EFHD1: variants seen among roughly 807,000 people sequenced by gnomAD.
EFHD1 encodes the protein EF-hand domain family member D1.
A neutral mutation model predicts 17.2 loss-of-function variants in EFHD1; 10 were observed. The ratio of observed to expected loss-of-function variants is 0.58; its 90% CI spans 0.36 to 0.99. EFHD1 has a LOEUF of 0.99. Ranked by LOEUF, EFHD1 falls within the 50% of genes least tolerant of loss-of-function variation. EFHD1 has a pLI of 0.01. For synonymous variants in EFHD1, 153 were observed against 142.0 expected (o/e 1.08, Z -0.55); for missense variants, 310 against 327.5 (o/e 0.95, Z 0.41).
chr2:232,664,087 C>G (rs1240602033), intron 2 of EFHD1, among the ~76,000 whole-genome samples: 1 of 148,680 alleles, frequency 6.7e-6, no homozygotes, highest in African/African-American at 2.5e-5. Context: ...CCACCTTGCC[C>G]AGTAATTTTG....
In EFHD1 at chr2:232,672,304, T is replaced by C. The variant is rs768418474; in HGVS notation, c.451-5T>C. On this transcript the variant is annotated splice_polypyrimidine_tract_variant and splice_region_variant and intron_variant, in intron 2 of 3. Transcript: ENST00000264059. ...CTCTGGTTCCCTACTTTCTTTCCCC[T>C]GTAGTTCCTGCTCATTTTCCACAAG... 15 of 1,614,068 alleles carry C rather than the reference T, an allele frequency of 9.3e-6. No individual in the cohort carries two copies. The African/African-American group carries it at 1.1e-4, about 11-fold the overall frequency.
intron 1 of EFHD1, among the ~76,000 whole-genome samples, chr2:232,636,485 T>C (rs1694321870): frequency 6.6e-6 from 1 of 152,180 alleles, no homozygotes; most frequent in African/African-American, 2.4e-5. Flanking sequence ...GCCAGGTGGA[T>C]TTTAGCCCCT....
intron 3 of EFHD1, among the ~76,000 whole-genome samples, chr2:232,673,907 CTTTT>C (rs11409819): frequency 8.3e-6 from 1 of 119,978 alleles, no homozygotes; most frequent in Non-Finnish European, 1.7e-5. Context: ...AAGACTTCTT[CTTTT>C]TTTTTTTTTT....
At chr2:232,613,631 CATAT>C (rs1248966954) in intron 1 of EFHD1, among the ~76,000 whole-genome samples, 138 of 137,804 alleles carry the variant, frequency 1.0e-3, no homozygotes, top group African/African-American at 3.0e-3. Context: ...CACACACACA[CATAT>C]ACACACACAT....
At chr2:232,610,228 G>A (rs1287354738) in intron 1 of EFHD1, among the ~76,000 whole-genome samples, 2 of 152,224 alleles carry the variant, frequency 1.3e-5, no homozygotes, top group Admixed American at 6.5e-5. Context: ...AGGCCCACCT[G>A]CCATCAGCTC....
chr2:232,644,064 G>A (rs1042274056), intron 1 of EFHD1, among the ~76,000 whole-genome samples: 1 of 152,144 alleles, frequency 6.6e-6, no homozygotes, highest in Non-Finnish European at 1.5e-5. Flanking sequence ...GGTGCTGAGT[G>A]GGCTGTCTGT....
At chr2:232,642,373 CAAAA>C (rs764647177) in intron 1 of EFHD1, among the ~76,000 whole-genome samples, 1 of 68,970 alleles carries the variant, frequency 1.4e-5, no homozygotes, top group Non-Finnish European at 2.6e-5. Flanking sequence ...GACTCTGTCT[CAAAA>C]AAAAAAAAAA....
At chr2:232,646,746 C>T (rs190393243) in intron 1 of EFHD1, among the ~76,000 whole-genome samples, 3 of 152,282 alleles carry the variant, frequency 2.0e-5, no homozygotes, top group Admixed American at 6.5e-5. Flanking sequence ...TGTGCCCGGC[C>T]GGTTATTGCT....
At chr2:232,629,114 T>C (rs576538276), upstream of EFHD1, among the ~76,000 whole-genome samples, 5 of 152,302 alleles carry the variant, frequency 3.3e-5, no homozygotes, top group East Asian at 9.7e-4. Flanking sequence ...TTTTGATAAG[T>C]GTATTAGAGC....
At chr2:232,620,706 C>T (rs1464208838) in intron 1 of EFHD1, among the ~76,000 whole-genome samples, 1 of 152,152 alleles carries the variant, frequency 6.6e-6, no homozygotes, top group Non-Finnish European at 1.5e-5. Flanking sequence ...TCTTGAAATA[C>T]ATTTTCTTGG....
At chr2:232,641,694 G>T (rs1694435186) in intron 1 of EFHD1, among the ~76,000 whole-genome samples, 1 of 152,240 alleles carries the variant, frequency 6.6e-6, no homozygotes. Flanking sequence ...GATTTGGCCT[G>T]CAGGCCCAAG....
Position 232,633,870 on chromosome 2 carries a change from A to G in EFHD1, c.166A>G (p.Ser56Gly). The G allele has an allele frequency of 6.5e-7, 1 of 1,526,858 alleles. No individual in the cohort carries two copies. The highest frequency in any genetic ancestry group is 8.7e-7 in the Non-Finnish European group (1 of 1,146,532). The allele number at this position is 1,526,858 out of a possible 1,614,324, so 94.6% of individuals were successfully genotyped here. A position where few individuals can be genotyped will look rare whatever the true frequency, so the allele number is the denominator to read the frequency against. Residue 56 changes from serine (S) to glycine (G), a missense_variant, in exon 1 of 4, where the codon AGC becomes GGC. By Grantham distance (56) the Ser-to-Gly change is moderately conservative. Transcript: ENST00000264059. ...APTASADAELSAQLSRRLDIN... is the reference protein window; with the variant it reads ...APTASADAELGAQLSRRLDIN... ...CACGGCCAGCGCCGACGCGGAGCTGAGCGCCCAGCTGAGCCGGCGGCTGGA... is the reference window on the plus strand; with the variant it reads ...CACGGCCAGCGCCGACGCGGAGCTGGGCGCCCAGCTGAGCCGGCGGCTGGA...
At chr2:232,675,899 A>G (rs567833107) in intron 3 of EFHD1, among the ~76,000 whole-genome samples, 55 of 152,232 alleles carry the variant, frequency 3.6e-4, no homozygotes, top group African/African-American at 1.2e-3. Flanking sequence ...TCCCAGGCCA[A>G]TTGCGGTGGC....
intron 1 of EFHD1, among the ~76,000 whole-genome samples, chr2:232,645,744 C>T (rs1026723612): frequency 2.6e-5 from 4 of 152,160 alleles, no homozygotes; most frequent in Admixed American, 2.0e-4. Flanking sequence ...TCATGCTTCA[C>T]GACACTCCAA....
Position 232,641,757 on chromosome 2 carries a change from G to A in EFHD1, c.302+7751G>A, listed in dbSNP as rs73105461. Among the ~76,000 whole-genome samples, 1,173 of 152,302 alleles carry A rather than the reference G, an allele frequency of 7.7e-3. 17 individuals are homozygous for A. Among genetic ancestry groups the A allele is most frequent in the African/African-American group, 0.026 (1,087 of 41,572 alleles). On this transcript the variant is annotated intron_variant, in intron 1 of 3. Transcript: ENST00000264059. ...CTTTAGAATCTTGAATCCAGAGCCTGATCTCATTTGTCCCCTTTCTCACTT... is the reference window on the plus strand; with the variant it reads ...CTTTAGAATCTTGAATCCAGAGCCTAATCTCATTTGTCCCCTTTCTCACTT...
At chr2:232,643,521 C>T (rs773620044) in intron 1 of EFHD1, among the ~76,000 whole-genome samples, 3 of 151,458 alleles carry the variant, frequency 2.0e-5, no homozygotes, top group Non-Finnish European at 4.4e-5. Flanking sequence ...CATCCTTCTG[C>T]CCGAGTCCCC....
chr2:232,649,928 G>C (rs4973050), intron 1 of EFHD1: 97,033 of 151,646 alleles, frequency 0.64, 31,911 homozygotes, highest in African/African-American at 0.78. Context: ...GCTTTCTGGG[G>C]TCTGTGCCCA....
intron 1 of EFHD1, among the ~76,000 whole-genome samples, chr2:232,634,390 C>G (rs1694275960): frequency 6.6e-6 from 1 of 152,240 alleles, no homozygotes; most frequent in African/African-American, 2.4e-5. Context: ...ACTGTATCCC[C>G]CCAAGGGAAA....
At chr2:232,615,143 C>T (rs900172988) in intron 1 of EFHD1, among the ~76,000 whole-genome samples, 1 of 152,130 alleles carries the variant, frequency 6.6e-6, no homozygotes, top group African/African-American at 2.4e-5. Flanking sequence ...GCACCCACCA[C>T]CACTTACAGC....
Sources: allele counts gnomAD v4.1 joint callset (sites outside exome capture counted in the v4.1 genomes callset), GRCh38; gene constraint gnomAD v4.1.1; transcripts MANE v1.5; gene names NCBI Gene and HGNC (gene_info 2026-07-23, HGNC 2026-07-21).